Variants in ACO1 observed in about 807,000 individuals in gnomAD.
ACO1 encodes the protein cytoplasmic aconitate hydratase.
In ACO1, 78 loss-of-function variants were observed where a neutral mutation model predicts 105.1. That is an observed-to-expected ratio of 0.74 (90% CI 0.62 to 0.90). The LOEUF (loss-of-function observed/expected upper bound fraction) is 0.90. ACO1 is among the 40% of genes least tolerant of loss of function. The pLI is 0.00. For synonymous variants in ACO1, 364 were observed against 397.4 expected (o/e 0.92, Z 1.00); for missense variants, 965 against 1,111.1 (o/e 0.87, Z 1.87).
chr9:32,405,593 T>G lies in ACO1; in HGVS notation c.87T>G (p.Asp29Glu). 2.5e-6 allele frequency: 4 copies of G among 1,609,562 alleles called. No individual in the cohort carries two copies. Among genetic ancestry groups the G allele is most frequent in the Non-Finnish European group, 3.4e-6 (4 of 1,176,358 alleles). The part of the protein sequence containing the change: ...KKFFNLNKLE[D>E]SRYGRLPFSI... Reference sequence around the variant, plus strand: ...TCTTCAATTTGAATAAATTGGAGGATTCAAGATATGGTAGGTACATGGCTG... The same window carrying G: ...TCTTCAATTTGAATAAATTGGAGGAGTCAAGATATGGTAGGTACATGGCTG... The change falls in exon 2 of 21, where the codon GAT (aspartate) becomes GAG (glutamate). Residue 29 changes from aspartate (D) to glutamate (E), a missense_variant. Physicochemically the swap from Asp to Glu is conservative, Grantham distance 45. Transcript: ENST00000309951.
Position 32,408,520 on chromosome 9 carries a change from G to A in ACO1, c.273G>A (p.Val91=). 6.2e-7 allele frequency: 1 copy of A among 1,614,086 alleles called. No homozygotes were observed. The highest frequency in any genetic ancestry group is 8.5e-7 in the Non-Finnish European group (1 of 1,179,988). ...ARVILQDFTG[V]PAVVDFAAMR... ...ATTCTCTTTCTTCTCTTAGGGGTGTGCCCGCTGTGGTTGACTTTGCTGCAA... is the reference window on the plus strand; with the variant it reads ...ATTCTCTTTCTTCTCTTAGGGGTGTACCCGCTGTGGTTGACTTTGCTGCAA... Residue 91 remains valine, a synonymous_variant, in exon 4 of 21, where the codon GTG becomes GTA. Transcript: ENST00000309951.
At chr9:32,440,402 A>G (rs1177178387) in intron 18 of ACO1, 63 bp from the exon 19 acceptor site, 2 of 1,605,838 alleles carry the variant, frequency 1.2e-6, no homozygotes, top group African/African-American at 1.3e-5. Context: ...ACCAGGGCTC[A>G]GGGGACCTGT....
chr9:32,435,052 G>C (rs942283829), intron 17 of ACO1, among the ~76,000 whole-genome samples: 2 of 152,188 alleles, frequency 1.3e-5, no homozygotes, highest in Non-Finnish European at 2.9e-5. Context: ...CGCATTGCCA[G>C]GTCCTGGTTG....
At chr9:32,409,984 C>T (rs1284665184) in intron 4 of ACO1, among the ~76,000 whole-genome samples, 1 of 152,098 alleles carries the variant, frequency 6.6e-6, no homozygotes, top group Non-Finnish European at 1.5e-5. Context: ...GTAATCCTAG[C>T]CCATTGAAGA....
chr9:32,446,349 C>CTTCT (rs765755862), intron 19 of ACO1, among the ~76,000 whole-genome samples: 1 of 152,086 alleles, frequency 6.6e-6, no homozygotes, highest in Non-Finnish European at 1.5e-5. Flanking sequence ...ATGTAATGGC[C>CTTCT]TTGTCTCTTT....
chr9:32,406,159 A>G (rs1821604903), intron 2 of ACO1, among the ~76,000 whole-genome samples: 1 of 152,226 alleles, frequency 6.6e-6, no homozygotes, highest in African/African-American at 2.4e-5. Flanking sequence ...ACCACTGGCC[A>G]TGCTGCATAG....
At chr9:32,404,719 C>A (rs1821569475) in intron 1 of ACO1, among the ~76,000 whole-genome samples, 1 of 152,062 alleles carries the variant, frequency 6.6e-6, no homozygotes, top group Non-Finnish European at 1.5e-5. Context: ...TAGAATGTGC[C>A]CTCCCTTTTT....
chr9:32,449,337 C>T (rs1024945402), intron 20 of ACO1, among the ~76,000 whole-genome samples: 2 of 152,160 alleles, frequency 1.3e-5, no homozygotes, highest in African/African-American at 4.8e-5. Context: ...CTACTGTACC[C>T]TGTTCCCGGT....
At position 32,420,837 on chromosome 9, in the gene ACO1, T is replaced by G; in HGVS notation, c.799-19T>G. The G allele has an allele frequency of 6.2e-7, 1 of 1,605,604 alleles. No individual in the cohort carries two copies. The highest frequency in any genetic ancestry group is 8.5e-7 in the Non-Finnish European group (1 of 1,174,000). ...TGGGCCATCAGATCTCAAACTTTTC[T>G]GTTGTTTCTGCTGCTTAGCACCTCC... On this transcript the variant is annotated intron_variant, in intron 7 of 20. Coordinates refer to ENST00000309951, the MANE Select transcript of ACO1 (RefSeq NM_002197.3).
rs1188246221 is a variant in ACO1, at chr9:32,436,294, A to G, written c.2144A>G (p.Asn715Ser). ...EFNSYGSRRGNDAVMARGTFA... is the reference protein window; with the variant it reads ...EFNSYGSRRGSDAVMARGTFA... Reference sequence around the variant, plus strand: ...AACTCCTATGGCTCCCGCCGAGGTAATGACGCCGTCATGGCACGGGGAACA... The same window carrying G: ...AACTCCTATGGCTCCCGCCGAGGTAGTGACGCCGTCATGGCACGGGGAACA... The change falls in exon 18 of 21, where the codon AAT becomes AGT. Residue 715 changes from asparagine to serine, a missense_variant. Asn to Ser is a conservative substitution (Grantham distance 46). Coordinates refer to ENST00000309951, the MANE Select transcript of ACO1 (RefSeq NM_002197.3). 6.2e-7 allele frequency: 1 copy of G among 1,614,046 alleles called. No individual in the cohort carries two copies. The highest frequency in any genetic ancestry group is 8.5e-7 in the Non-Finnish European group (1 of 1,180,030).
At chr9:32,385,677 T>C (rs1401466709) in intron 1 of ACO1, among the ~76,000 whole-genome samples, 1 of 152,274 alleles carries the variant, frequency 6.6e-6, no homozygotes, top group Non-Finnish European at 1.5e-5. Flanking sequence ...TGGATTCTGA[T>C]AGCTGCTTCT....
intron 4 of ACO1, among the ~76,000 whole-genome samples, chr9:32,415,991 T>G (rs570052608): frequency 1.3e-5 from 2 of 152,240 alleles, no homozygotes; most frequent in South Asian, 4.1e-4. Context: ...CAGCCCATGT[T>G]AGGCAGTCTC....
chr9:32,449,714 C>T (rs998547958), intron 20 of ACO1, among the ~76,000 whole-genome samples: 1 of 152,176 alleles, frequency 6.6e-6, no homozygotes, highest in African/African-American at 2.4e-5. Context: ...AGCTACTGCC[C>T]TGAGAAGCTA....
chr9:32,400,947 GTTT>G (rs10713644), intron 1 of ACO1, among the ~76,000 whole-genome samples: 1 of 143,620 alleles, frequency 7.0e-6, no homozygotes, highest in Non-Finnish European at 1.5e-5. Flanking sequence ...TGGTCTTGAA[GTTT>G]TTTTTTTTTT....
At chr9:32,411,309 T>G (rs1371699293) in intron 4 of ACO1, among the ~76,000 whole-genome samples, 1 of 152,246 alleles carries the variant, frequency 6.6e-6, no homozygotes, top group African/African-American at 2.4e-5. Flanking sequence ...AAATAACTTT[T>G]CCATATACAG....
intron 1 of ACO1, among the ~76,000 whole-genome samples, chr9:32,392,326 G>A (rs10738885): frequency 0.26 from 38,964 of 151,948 alleles, 5,381 homozygotes; most frequent in East Asian, 0.47. Flanking sequence ...TACTTAGCCC[G>A]TCAGATCCTG....
At chr9:32,431,094 T>C (rs1049580376) in intron 14 of ACO1, among the ~76,000 whole-genome samples, 6 of 152,244 alleles carry the variant, frequency 3.9e-5, no homozygotes. Context: ...TTGTGAGTTC[T>C]ATGTTTGCAG....
At chr9:32,428,700 C>T (rs941163949) in intron 12 of ACO1, among the ~76,000 whole-genome samples, 9 of 152,052 alleles carry the variant, frequency 5.9e-5, no homozygotes, top group Admixed American at 6.6e-5. Flanking sequence ...CAAAATTAGC[C>T]GGGCGTGGTG....
At chr9:32,416,063 GA>G (rs1229692652) in intron 4 of ACO1, among the ~76,000 whole-genome samples, 2 of 147,968 alleles carry the variant, frequency 1.4e-5, no homozygotes, top group Non-Finnish European at 3.0e-5. Flanking sequence ...CATATCAAGA[GA>G]AAAAAAATCT....
Sources: allele counts gnomAD v4.1 joint callset (sites outside exome capture counted in the v4.1 genomes callset), GRCh38; gene constraint gnomAD v4.1.1; transcripts MANE v1.5; gene names NCBI Gene and HGNC (gene_info 2026-07-23, HGNC 2026-07-21).